BAZ1B: variants seen among roughly 807,000 people sequenced by gnomAD.
The protein encoded by BAZ1B is tyrosine-protein kinase BAZ1B.
BAZ1B carries 22 observed loss-of-function variants against 153.8 expected under a neutral mutation model. The ratio of observed to expected loss-of-function variants is 0.14; its 90% CI spans 0.10 to 0.20. The LOEUF (loss-of-function observed/expected upper bound fraction) is 0.20. Ranked by LOEUF, BAZ1B falls within the 10% of genes least tolerant of loss-of-function variation. BAZ1B has a pLI of 1.00. For missense variants in BAZ1B, 1,325 were observed against 1,799.3 expected, an observed-to-expected ratio of 0.74 and a Z score of 4.77; for synonymous variants, 676 against 633.4, an observed-to-expected ratio of 1.07 and a Z score of -1.01.
intron 1 of BAZ1B, among the ~76,000 whole-genome samples, chr7:73,512,798 C>T (rs912046095): frequency 1.3e-5 from 2 of 152,200 alleles, no homozygotes; most frequent in Non-Finnish European, 2.9e-5. Context: ...ACAGTTTCCT[C>T]TACAATACTA....
intron 10 of BAZ1B, among the ~76,000 whole-genome samples, chr7:73,465,811 A>G (rs1211134510): frequency 6.6e-6 from 1 of 152,212 alleles, no homozygotes; most frequent in African/African-American, 2.4e-5. Context: ...CTTTCCCTCC[A>G]GAGAGTAAAC....
At chr7:73,512,834 T>C (rs1271253959) in intron 1 of BAZ1B, among the ~76,000 whole-genome samples, 1 of 151,238 alleles carries the variant, frequency 6.6e-6, no homozygotes, top group Non-Finnish European at 1.5e-5. Context: ...AATATTCTAA[T>C]TTTTGTTTTT....
chr7:73,495,620 A>G (rs139754797), intron 4 of BAZ1B, among the ~76,000 whole-genome samples: 1,906 of 152,350 alleles, frequency 0.013, 42 homozygotes, highest in African/African-American at 0.044. Context: ...AATAGCAAAG[A>G]CACAGAATCA....
At chr7:73,496,669 A>T (rs1486564361) in intron 4 of BAZ1B, among the ~76,000 whole-genome samples, 6 of 152,164 alleles carry the variant, frequency 3.9e-5, no homozygotes, top group Non-Finnish European at 5.9e-5. Flanking sequence ...GTTCAAATTT[A>T]AAAACATTAT....
At chr7:73,504,639 G>A (rs1790262382) in intron 3 of BAZ1B, among the ~76,000 whole-genome samples, 1 of 151,946 alleles carries the variant, frequency 6.6e-6, no homozygotes, top group East Asian at 1.9e-4. Context: ...ACTCCAGCCT[G>A]GGCGACAGAG....
chr7:73,518,246 CAAAA>C (rs34315305), intron 1 of BAZ1B, among the ~76,000 whole-genome samples: 2 of 127,538 alleles, frequency 1.6e-5, no homozygotes, highest in Non-Finnish European at 3.4e-5. Context: ...CTAAAAATAC[CAAAA>C]AAAAAAAAAA....
chr7:73,451,174 C>A (rs782602895), intron 13 of BAZ1B, among the ~76,000 whole-genome samples, 180 bp from the exon 14 acceptor site: 20 of 152,194 alleles, frequency 1.3e-4, no homozygotes, highest in Non-Finnish European at 2.6e-4. Context: ...CCAAAGGTCA[C>A]ACAGAGATGC....
chr7:73,496,376 C>T (rs1789894578), intron 4 of BAZ1B, among the ~76,000 whole-genome samples: 1 of 152,206 alleles, frequency 6.6e-6, no homozygotes, highest in African/African-American at 2.4e-5. Flanking sequence ...CTTCGAACTA[C>T]ATTAAGAAAG....
chr7:73,510,634 G>T, intron 2 of BAZ1B, 102 bp downstream of exon 2: 1 of 1,111,226 alleles, frequency 9.0e-7, no homozygotes. Context: ...AGTCTAATTT[G>T]TGCCCCATAA....
chr7:73,483,168 AAG>A (rs1403517859), intron 6 of BAZ1B, among the ~76,000 whole-genome samples: 2 of 152,188 alleles, frequency 1.3e-5, no homozygotes, highest in Non-Finnish European at 2.9e-5. Flanking sequence ...TTGAAAGAAA[AAG>A]AGAGCGTCCA....
At chr7:73,515,953 T>C (rs1250373221) in intron 1 of BAZ1B, among the ~76,000 whole-genome samples, 1 of 152,078 alleles carries the variant, frequency 6.6e-6, no homozygotes, top group African/African-American at 2.4e-5. Flanking sequence ...GAGACTAGCC[T>C]GGCCAACACG....
chr7:73,443,872 G>T, intron 17 of BAZ1B, 112 bp downstream of exon 17: 1 of 1,521,242 alleles, frequency 6.6e-7, no homozygotes. Context: ...AGTTTGGTAA[G>T]AAGGAGGAGG....
chr7:73,492,747 G>T (rs1789702737), intron 5 of BAZ1B, 53 bp downstream of exon 5: 7 of 1,497,814 alleles, frequency 4.7e-6, no homozygotes, highest in Non-Finnish European at 6.3e-6. Context: ...GCAACCCTAT[G>T]ATATTTTCTT....
intron 1 of BAZ1B, 127 bp from the exon 2 acceptor site, chr7:73,510,979 A>C: frequency 1.3e-6 from 1 of 782,208 alleles, no homozygotes; most frequent in South Asian, 1.7e-5. Flanking sequence ...GAGGATAAAA[A>C]TGGAATTGGA....
At chr7:73,500,979 G>A (rs1257309890) in intron 3 of BAZ1B, among the ~76,000 whole-genome samples, 2 of 151,646 alleles carry the variant, frequency 1.3e-5, no homozygotes, top group African/African-American at 2.4e-5. Context: ...GTTCAAGGCC[G>A]GGCGCAGTGG....
intron 6 of BAZ1B, among the ~76,000 whole-genome samples, chr7:73,479,955 G>A (rs1789137056): frequency 6.6e-6 from 1 of 152,002 alleles, no homozygotes; most frequent in Non-Finnish European, 1.5e-5. Flanking sequence ...TGATCACAAG[G>A]TCAGGAGATC....
intron 2 of BAZ1B, among the ~76,000 whole-genome samples, chr7:73,509,215 G>A (rs530526096): frequency 1.7e-4 from 26 of 151,930 alleles, no homozygotes; most frequent in African/African-American, 6.0e-4. Flanking sequence ...CCAGCTACTC[G>A]GGAGGCTGAG....
chr7:73,451,821 C>T (rs1788035098), intron 13 of BAZ1B, among the ~76,000 whole-genome samples: 1 of 152,210 alleles, frequency 6.6e-6, no homozygotes, highest in African/African-American at 2.4e-5. Flanking sequence ...GTCTTCTCCC[C>T]TGATAAAAAG....
At chr7:73,508,633 C>A (rs1554578159) in intron 2 of BAZ1B, among the ~76,000 whole-genome samples, 162 bp from the exon 3 acceptor site, 2 of 152,186 alleles carry the variant, frequency 1.3e-5, no homozygotes, top group South Asian at 4.1e-4. Flanking sequence ...AGCTCACTAG[C>A]CTCCACCTCC....
Sources: gnomAD v4.1 joint callset for allele counts (sites outside exome capture counted in the v4.1 genomes callset) on GRCh38, gnomAD v4.1.1 for gene constraint, MANE v1.5 for transcripts, NCBI Gene and HGNC (gene_info 2026-07-23, HGNC 2026-07-21) for gene names.